Variants in SLC35F4 observed in about 807,000 individuals in gnomAD.
The protein encoded by SLC35F4 is chromosome 14 open reading frame 36.
In SLC35F4, 24 loss-of-function variants were observed where a neutral mutation model predicts 44.2. The ratio of observed to expected loss-of-function variants is 0.54; its 90% CI spans 0.39 to 0.76. The LOEUF is 0.76. Ranked by LOEUF, SLC35F4 falls within the 30% of genes least tolerant of loss-of-function variation. The pLI, the probability that SLC35F4 is intolerant of heterozygous loss-of-function variation, is 0.00. For synonymous variants in SLC35F4, 238 were observed against 223.6 expected (o/e 1.06, Z -0.57); for missense variants, 562 against 586.1 (o/e 0.96, Z 0.42).
At chr14:57,614,610 G>T (rs1257357307) in intron 1 of SLC35F4, among the ~76,000 whole-genome samples, 1 of 152,234 alleles carries the variant, frequency 6.6e-6, no homozygotes, top group Admixed American at 6.5e-5. Flanking sequence ...GAAGTAAAAA[G>T]ACTTAAAAGG....
At chr14:57,763,951 C>G (rs1383733853) in intron 1 of SLC35F4, among the ~76,000 whole-genome samples, 1 of 152,296 alleles carries the variant, frequency 6.6e-6, no homozygotes, top group East Asian at 1.9e-4. Context: ...TCTGAAACTT[C>G]CAGGTTAGAT....
chr14:57,644,534 G>T (rs887294307), intron 1 of SLC35F4, among the ~76,000 whole-genome samples: 45 of 151,828 alleles, frequency 3.0e-4, no homozygotes, highest in African/African-American at 1.1e-3. Flanking sequence ...AGATGAGTAG[G>T]TTGCGAAAAT....
intron 1 of SLC35F4, among the ~76,000 whole-genome samples, chr14:57,736,826 A>G (rs1251233980): frequency 6.6e-6 from 1 of 152,230 alleles, no homozygotes; most frequent in Admixed American, 6.5e-5. Context: ...TTAAGAGATT[A>G]TAGTGCAAAT....
intron 1 of SLC35F4, among the ~76,000 whole-genome samples, chr14:57,729,900 T>A (rs1325007469): frequency 6.6e-6 from 1 of 152,190 alleles, no homozygotes; most frequent in Non-Finnish European, 1.5e-5. Flanking sequence ...AAACGGGTGA[T>A]TCTCCTCTCA....
At chr14:57,731,145 GTTTT>G (rs1414172872) in intron 1 of SLC35F4, among the ~76,000 whole-genome samples, 1 of 152,060 alleles carries the variant, frequency 6.6e-6, no homozygotes, top group African/African-American at 2.4e-5. Flanking sequence ...ACAACCTAGA[GTTTT>G]TTTATTTACT....
intron 1 of SLC35F4, among the ~76,000 whole-genome samples, chr14:57,740,505 G>C (rs1406240819): frequency 6.6e-6 from 1 of 152,156 alleles, no homozygotes; most frequent in Non-Finnish European, 1.5e-5. Context: ...AGGTTATGGG[G>C]GAGGAAGGAT....
At chr14:57,877,761 T>C (rs1252201157) in intron 1 of SLC35F4, among the ~76,000 whole-genome samples, 1 of 134,124 alleles carries the variant, frequency 7.5e-6, no homozygotes, top group Non-Finnish European at 1.5e-5. Context: ...CTCAGCTCAC[T>C]GCAACCTCTG....
chr14:57,822,513 T>G (rs1470695742), intron 1 of SLC35F4, among the ~76,000 whole-genome samples: 1 of 152,140 alleles, frequency 6.6e-6, no homozygotes, highest in Non-Finnish European at 1.5e-5. Context: ...TTGTTAGCCA[T>G]CTGACAGTTC....
chr14:57,646,317 T>C (rs913637341), intron 1 of SLC35F4, among the ~76,000 whole-genome samples: 1 of 152,216 alleles, frequency 6.6e-6, no homozygotes, highest in Non-Finnish European at 1.5e-5. Context: ...TATTGTTCTA[T>C]TCAGAGATTC....
At position 57,666,963 on chromosome 14, in the gene SLC35F4, G is replaced by A. The variant is rs562736865; in HGVS notation, c.104-72839C>T. 5.9e-5 allele frequency among the ~76,000 whole-genome samples: 9 copies of A among 151,420 alleles called. No homozygotes were observed. The South Asian group carries it at 6.2e-4, about 10-fold the overall frequency. On this transcript the variant is annotated intron_variant, in intron 1 of 7. Transcript: ENST00000556826. Reference sequence around the variant, plus strand: ...AAAGTTCTAGAAAGGCCAAATGCACGGAGTTCTCTGGGGCTACAATTTGAG... The same window carrying A: ...AAAGTTCTAGAAAGGCCAAATGCACAGAGTTCTCTGGGGCTACAATTTGAG...
intron 1 of SLC35F4, among the ~76,000 whole-genome samples, chr14:57,911,562 TA>T (rs1170735158): frequency 6.6e-6 from 1 of 152,036 alleles, no homozygotes; most frequent in East Asian, 1.9e-4. Context: ...TTTTCTTTGT[TA>T]GCCTGTTGAT....
chr14:57,713,749 C>T (rs1252674690), intron 1 of SLC35F4, among the ~76,000 whole-genome samples: 3 of 152,056 alleles, frequency 2.0e-5, no homozygotes, highest in East Asian at 1.9e-4. Context: ...AATGAATGGA[C>T]GGAGGGGGTG....
At chr14:57,869,802 G>A (rs547724087), upstream of SLC35F4, among the ~76,000 whole-genome samples, 3 of 152,308 alleles carry the variant, frequency 2.0e-5, 1 homozygote, top group South Asian at 6.2e-4. Context: ...GAAAAAGCAT[G>A]CTCTTAATAT....
intron 1 of SLC35F4, among the ~76,000 whole-genome samples, chr14:57,794,268 A>C (rs150418054): frequency 3.3e-5 from 5 of 152,324 alleles, no homozygotes; most frequent in African/African-American, 1.2e-4. Context: ...CACAACCTAC[A>C]GAATGGGAGA....
intron 1 of SLC35F4, among the ~76,000 whole-genome samples, chr14:57,769,183 A>T (rs1478098860): frequency 6.6e-6 from 1 of 152,138 alleles, no homozygotes; most frequent in African/African-American, 2.4e-5. Flanking sequence ...CTAATAAGCC[A>T]TTTTACTGCT....
chr14:57,600,800 GA>G (rs2070784505), intron 1 of SLC35F4, among the ~76,000 whole-genome samples: 1 of 149,318 alleles, frequency 6.7e-6, no homozygotes, highest in Non-Finnish European at 1.5e-5. Flanking sequence ...ATATTCTGTT[GA>G]TTTCAGTGGC....
chr14:57,622,908 A>G (rs191054140), intron 1 of SLC35F4, among the ~76,000 whole-genome samples: 43 of 152,302 alleles, frequency 2.8e-4, no homozygotes, highest in Admixed American at 2.5e-3. Flanking sequence ...GCATCAACTA[A>G]CAGGCAAAAT....
At chr14:57,608,624 C>T (rs983465221) in intron 1 of SLC35F4, among the ~76,000 whole-genome samples, 8 of 152,008 alleles carry the variant, frequency 5.3e-5, no homozygotes. Context: ...GTTTGTGGAA[C>T]TTTGTTACAG....
At position 57,893,523 on chromosome 14, in the gene SLC35F4, A is replaced by G. The variant is rs937339357; in HGVS notation, n.282+88390T>C. On this transcript the variant is annotated intron_variant and non_coding_transcript_variant, in intron 1 of 1. Transcript: ENST00000556568. ...TCCAAAGCCCATGCTCTCTGCCATT[A>G]CACCTCATTGCCTCCCGAGAAACCA... Among the ~76,000 whole-genome samples, 8 of 152,282 alleles carry G rather than the reference A, an allele frequency of 5.3e-5. No homozygotes were observed. The East Asian group carries it at 7.7e-4, about 15-fold the overall frequency.
Sources: gnomAD v4.1 joint callset for allele counts (sites outside exome capture counted in the v4.1 genomes callset) on GRCh38, gnomAD v4.1.1 for gene constraint, MANE v1.5 for transcripts, NCBI Gene and HGNC (gene_info 2026-07-23, HGNC 2026-07-21) for gene names.